The following SORCS3 variants were observed in gnomAD, a reference collection of about 807,000 sequenced individuals.
The protein encoded by SORCS3 is sortilin related VPS10 domain containing receptor 3.
Under a neutral mutation model 146.3 loss-of-function variants are expected in SORCS3, and 57 were observed. That is an observed-to-expected ratio of 0.39 (90% CI 0.31 to 0.49). The LOEUF (loss-of-function observed/expected upper bound fraction) is 0.49. SORCS3 is among the 20% of genes least tolerant of loss of function. The pLI, the probability that SORCS3 is intolerant of heterozygous loss-of-function variation, is 0.92. For synonymous variants in SORCS3, 653 were observed against 618.5 expected (o/e 1.06, Z -0.83); for missense variants, 1,341 against 1,575.5 (o/e 0.85, Z 2.52).
intron 20 of SORCS3, among the ~76,000 whole-genome samples, chr10:105,224,099 A>T (rs879707771): frequency 1.4e-4 from 21 of 152,338 alleles, no homozygotes; most frequent in Admixed American, 1.3e-3. Flanking sequence ...TTATCACTCA[A>T]AGTCCATAGT....
chr10:104,757,996 A>C (rs2017075444), intron 1 of SORCS3, among the ~76,000 whole-genome samples: 1 of 152,122 alleles, frequency 6.6e-6, no homozygotes, highest in African/African-American at 2.4e-5. Context: ...AGGAACTCAC[A>C]TCAGTCTGGA....
At chr10:104,902,576 A>G (rs1439217331) in intron 2 of SORCS3, among the ~76,000 whole-genome samples, 1 of 152,224 alleles carries the variant, frequency 6.6e-6, no homozygotes, top group Non-Finnish European at 1.5e-5. Context: ...CTGAGATAAA[A>G]TATGTTTTTC....
At chr10:104,909,444 G>A (rs560728861) in intron 2 of SORCS3, among the ~76,000 whole-genome samples, 2 of 152,244 alleles carry the variant, frequency 1.3e-5, no homozygotes, top group East Asian at 1.9e-4. Context: ...TAGATTGTTT[G>A]CCAGTTTTAG....
intron 1 of SORCS3, among the ~76,000 whole-genome samples, chr10:104,706,748 T>C (rs1303072287): frequency 1.3e-5 from 2 of 152,244 alleles, no homozygotes; most frequent in African/African-American, 4.8e-5. Flanking sequence ...CATACACATA[T>C]GTACATTTAT....
chr10:104,667,871 C>T (rs1289693156), intron 1 of SORCS3, among the ~76,000 whole-genome samples: 1 of 152,182 alleles, frequency 6.6e-6, no homozygotes, highest in African/African-American at 2.4e-5. Flanking sequence ...GGGTGCTTTG[C>T]CATGGACCTC....
At chr10:105,040,577 T>G (rs563646745) in intron 4 of SORCS3, among the ~76,000 whole-genome samples, 1 of 152,284 alleles carries the variant, frequency 6.6e-6, no homozygotes, top group East Asian at 1.9e-4. Context: ...CAATTTTCCC[T>G]TTGACATGGT....
At chr10:104,860,581 A>G (rs1403348114) in intron 2 of SORCS3, among the ~76,000 whole-genome samples, 1 of 152,118 alleles carries the variant, frequency 6.6e-6, no homozygotes, top group East Asian at 1.9e-4. Flanking sequence ...ATAATAAAAA[A>G]CAGAAAAGAA....
intron 1 of SORCS3, among the ~76,000 whole-genome samples, chr10:104,793,448 G>A (rs938441914): frequency 4.6e-5 from 7 of 152,186 alleles, no homozygotes; most frequent in Admixed American, 2.6e-4. Flanking sequence ...GACATTGGTA[G>A]GATGTTGGGG....
intron 1 of SORCS3, among the ~76,000 whole-genome samples, chr10:104,827,781 T>G (rs1347824561): frequency 6.6e-6 from 1 of 152,226 alleles, no homozygotes; most frequent in East Asian, 1.9e-4. Flanking sequence ...GATTATATAG[T>G]GTAGCCACCT....
chr10:105,016,326 T>C (rs948348103), intron 4 of SORCS3, among the ~76,000 whole-genome samples: 1 of 150,960 alleles, frequency 6.6e-6, no homozygotes, highest in Non-Finnish European at 1.5e-5. Context: ...AATCTTTGTA[T>C]TTTTAGTAAA....
Position 104,641,699 on chromosome 10 carries a change from G to A in SORCS3, c.372G>A (p.Lys124=). Residue 124 remains lysine, a synonymous_variant, in exon 1 of 27, where the codon AAG becomes AAA. Coordinates refer to ENST00000369701, the MANE Select transcript of SORCS3 (RefSeq NM_014978.3). The surrounding 1 kb of genome is among the most constrained non-coding windows in gnomAD (Gnocchi z 6.4). The part of the protein sequence containing the change: ...RRGRGIPAPA[K]LGGARRSRRA... ...GCCGGGGCATCCCAGCTCCTGCCAA[G>A]CTTGGCGGCGCGAGGAGGAGTCGCC... 5.2e-6 allele frequency: 8 copies of A among 1,536,728 alleles called. No homozygotes were observed. The highest frequency in any genetic ancestry group is 7.0e-6 in the Non-Finnish European group (8 of 1,143,844).
chr10:105,129,936 C>T (rs1484801124), intron 7 of SORCS3, among the ~76,000 whole-genome samples: 1 of 152,088 alleles, frequency 6.6e-6, no homozygotes, highest in African/African-American at 2.4e-5. Flanking sequence ...CATGGCTACC[C>T]CAGCACCTCT....
At chr10:104,757,543 C>T (rs2017068542) in intron 1 of SORCS3, among the ~76,000 whole-genome samples, 1 of 152,300 alleles carries the variant, frequency 6.6e-6, no homozygotes, top group African/African-American at 2.4e-5. Flanking sequence ...TGCGCTTCTG[C>T]CACAGAGCCG....
chr10:105,010,143 C>G (rs2055125312), intron 4 of SORCS3, among the ~76,000 whole-genome samples: 1 of 152,198 alleles, frequency 6.6e-6, no homozygotes, highest in African/African-American at 2.4e-5. Context: ...CCTTGACTAT[C>G]TCACTATGCT....
chr10:105,100,468 C>T (rs1255148182), intron 6 of SORCS3, among the ~76,000 whole-genome samples: 1 of 152,128 alleles, frequency 6.6e-6, no homozygotes, highest in African/African-American at 2.4e-5. Context: ...AAGTATGTCA[C>T]GTATTTCATG....
chr10:105,250,356 G>A (rs2056891630), intron 22 of SORCS3, among the ~76,000 whole-genome samples: 1 of 152,050 alleles, frequency 6.6e-6, no homozygotes, highest in Non-Finnish European at 1.5e-5. Context: ...TGTTATGTAT[G>A]GTTACGTTCA....
At chr10:105,077,901 G>A (rs961328629) in intron 5 of SORCS3, among the ~76,000 whole-genome samples, 1 of 152,180 alleles carries the variant, frequency 6.6e-6, no homozygotes, top group Non-Finnish European at 1.5e-5. Flanking sequence ...TGGGGCTAGG[G>A]AGCAGTTGAC....
intron 26 of SORCS3, 87 bp from the exon 27 acceptor site, chr10:105,263,223 G>T: frequency 7.8e-7 from 1 of 1,286,774 alleles, no homozygotes; most frequent in South Asian, 1.2e-5. Context: ...GTTCTGGGTG[G>T]CTTGGTATTT....
chr10:104,839,620 C>T (rs749756754), intron 1 of SORCS3, among the ~76,000 whole-genome samples: 21 of 152,032 alleles, frequency 1.4e-4, no homozygotes, highest in Non-Finnish European at 2.9e-4. Flanking sequence ...CATCCATTGG[C>T]GGAGGAAGCC....
Sources: allele counts gnomAD v4.1 joint callset (sites outside exome capture counted in the v4.1 genomes callset), GRCh38; gene constraint gnomAD v4.1.1; non-coding constraint Gnocchi (gnomAD v3.1); transcripts MANE v1.5; gene names NCBI Gene and HGNC (gene_info 2026-07-23, HGNC 2026-07-21).